MAML2: variants seen among roughly 807,000 people sequenced by gnomAD.
MAML2 encodes mastermind like transcriptional coactivator 2, also known as mastermind-like protein 2.
MAML2 carries 22 observed loss-of-function variants against 96.1 expected under a neutral mutation model. That is an observed-to-expected ratio of 0.23 (90% CI 0.16 to 0.33). The LOEUF (loss-of-function observed/expected upper bound fraction) is 0.33, where lower values mean the gene tolerates loss of function less well. Ranked by LOEUF, MAML2 falls within the 10% of genes least tolerant of loss-of-function variation. The pLI, the probability that MAML2 is intolerant of heterozygous loss-of-function variation, is 1.00. For synonymous variants in MAML2, 561 were observed against 521.3 expected (o/e 1.08, Z -1.04); for missense variants, 1,367 against 1,392.4 (o/e 0.98, Z 0.29).
intron 2 of MAML2, among the ~76,000 whole-genome samples, chr11:96,069,887 G>T (rs987251961): frequency 9.2e-5 from 14 of 151,668 alleles, no homozygotes; most frequent in Non-Finnish European, 1.9e-4. Context: ...GCTGGGTGTG[G>T]TGGTGCGTGC....
intron 1 of MAML2, among the ~76,000 whole-genome samples, chr11:96,214,614 C>G (rs779098335): frequency 6.6e-6 from 1 of 152,142 alleles, no homozygotes; most frequent in Non-Finnish European, 1.5e-5. Flanking sequence ...ACTCCAGGAA[C>G]TGATGCCATT....
At chr11:96,334,191 T>C (rs1863888384) in intron 1 of MAML2, among the ~76,000 whole-genome samples, 1 of 152,200 alleles carries the variant, frequency 6.6e-6, no homozygotes, top group Non-Finnish European at 1.5e-5. Flanking sequence ...AAGTAAACAT[T>C]AAAGAGAAAA....
At chr11:96,203,809 T>TA (rs1419003055) in intron 1 of MAML2, among the ~76,000 whole-genome samples, 2 of 152,242 alleles carry the variant, frequency 1.3e-5, no homozygotes, top group African/African-American at 4.8e-5. Context: ...ATCTATTTGT[T>TA]AAATGTTTTC....
intron 1 of MAML2, among the ~76,000 whole-genome samples, chr11:96,167,915 C>A (rs1178644504): frequency 2.6e-5 from 4 of 152,150 alleles, no homozygotes; most frequent in Non-Finnish European, 5.9e-5. Flanking sequence ...ATTATCATAG[C>A]AATTAACAAG....
intron 1 of MAML2, among the ~76,000 whole-genome samples, chr11:96,269,500 A>AT (rs1196716015): frequency 7.0e-6 from 1 of 143,582 alleles, no homozygotes; most frequent in East Asian, 2.0e-4. Context: ...TTTTTGCTTT[A>AT]TTTTTTGAGG....
chr11:96,260,135 G>C (rs1862727253), intron 1 of MAML2, among the ~76,000 whole-genome samples: 1 of 151,994 alleles, frequency 6.6e-6, no homozygotes, highest in East Asian at 1.9e-4. Flanking sequence ...ATGAAGGTTG[G>C]ACTGTGTGAA....
chr11:96,146,961 C>G (rs1464786752), intron 1 of MAML2, among the ~76,000 whole-genome samples: 6 of 152,194 alleles, frequency 3.9e-5, no homozygotes, highest in African/African-American at 1.4e-4. Flanking sequence ...GCCATGTGAT[C>G]TCCTGGGGAT....
rs951672580 is a variant in MAML2, at chr11:96,342,753, G to A, written c.-858C>T. 3.5e-5 allele frequency: 11 copies of A among 317,376 alleles called. No homozygotes were observed. The highest frequency in any genetic ancestry group is 4.9e-5 in the Admixed American group (1 of 20,296). 19.7% of individuals were successfully genotyped at this position (317,376 alleles called of 1,614,324 possible). A position where few individuals can be genotyped will look rare whatever the true frequency, so the allele number is the denominator to read the frequency against. ...AAGGTTTCCTAGCCTTAAATGAAAA[G>A]CAATCTTAAGTCGCTAGCCACTGAG... On this transcript the variant is annotated 5_prime_UTR_variant, in exon 1 of 5. Coordinates refer to ENST00000524717, the MANE Select transcript of MAML2 (RefSeq NM_032427.4).
chr11:96,091,668 A>G (rs11602749), intron 2 of MAML2, among the ~76,000 whole-genome samples: 3,814 of 152,250 alleles, frequency 0.025, 153 homozygotes, highest in African/African-American at 0.086. Context: ...ACCTTTGATC[A>G]TTACAGATCA....
chr11:96,219,039 C>T (rs1307003922), intron 1 of MAML2, among the ~76,000 whole-genome samples: 2 of 152,354 alleles, frequency 1.3e-5, no homozygotes, highest in South Asian at 2.1e-4. Context: ...AAAGTGGAGA[C>T]TGTCCCACCA....
chr11:96,000,051 A>G (rs186056073), intron 2 of MAML2, among the ~76,000 whole-genome samples: 172 of 152,332 alleles, frequency 1.1e-3, no homozygotes, highest in Non-Finnish European at 1.8e-3. Flanking sequence ...CAGATTCCCA[A>G]TAAGCTGGCA....
chr11:96,217,646 G>A (rs1157222099), intron 1 of MAML2, among the ~76,000 whole-genome samples: 3 of 152,186 alleles, frequency 2.0e-5, no homozygotes, highest in Non-Finnish European at 2.9e-5. Context: ...AGTAGGTGAA[G>A]GTGAATAATG....
chr11:96,049,515 T>C (rs1858957984), intron 2 of MAML2, among the ~76,000 whole-genome samples: 2 of 152,194 alleles, frequency 1.3e-5, no homozygotes, highest in South Asian at 4.1e-4. Flanking sequence ...TCCATGAAGA[T>C]ATCACTGAAC....
At chr11:96,249,882 C>T (rs1270557655) in intron 1 of MAML2, among the ~76,000 whole-genome samples, 1 of 152,162 alleles carries the variant, frequency 6.6e-6, no homozygotes, top group Non-Finnish European at 1.5e-5. Context: ...TGCTGCCTGT[C>T]TTACTTAGAA....
intron 1 of MAML2, among the ~76,000 whole-genome samples, chr11:96,227,113 C>T (rs1053072513): frequency 1.3e-5 from 2 of 152,212 alleles, no homozygotes; most frequent in African/African-American, 4.8e-5. Context: ...CCCTACCCAG[C>T]AAGTTCTCTC....
chr11:96,006,770 G>A (rs1279749753), intron 2 of MAML2, among the ~76,000 whole-genome samples: 1 of 151,336 alleles, frequency 6.6e-6, no homozygotes, highest in African/African-American at 2.4e-5. Flanking sequence ...ATGTTGGGCA[G>A]GCTGGTTTCA....
intron 1 of MAML2, among the ~76,000 whole-genome samples, chr11:96,196,351 AC>A (rs1861731249): frequency 6.6e-6 from 1 of 152,116 alleles, no homozygotes; most frequent in South Asian, 2.1e-4. Flanking sequence ...GGCTTAAAAA[AC>A]CTTTTTCAAA....
intron 1 of MAML2, among the ~76,000 whole-genome samples, chr11:96,306,060 G>A (rs1159166718): frequency 1.3e-5 from 2 of 150,838 alleles, no homozygotes; most frequent in Non-Finnish European, 1.5e-5. Context: ...ATCAAATTAT[G>A]TATATATAAT....
intron 1 of MAML2, among the ~76,000 whole-genome samples, chr11:96,096,241 A>G (rs1305623123): frequency 6.6e-6 from 1 of 152,228 alleles, no homozygotes; most frequent in Non-Finnish European, 1.5e-5. Context: ...GCAGTGCAGT[A>G]TGCGCTCTGG....
Sources: gnomAD v4.1 joint callset for allele counts (sites outside exome capture counted in the v4.1 genomes callset) on GRCh38, gnomAD v4.1.1 for gene constraint, MANE v1.5 for transcripts, NCBI Gene and HGNC (gene_info 2026-07-23, HGNC 2026-07-21) for gene names.